Variants in PCDH9 observed in about 807,000 individuals in gnomAD.
PCDH9 encodes the protein protocadherin-9.
In PCDH9, 24 loss-of-function variants were observed where a neutral mutation model predicts 70.6. That is an observed-to-expected ratio of 0.34 (90% confidence interval 0.25 to 0.48). PCDH9 has a LOEUF of 0.48. Ranked by LOEUF, PCDH9 falls within the 20% of genes least tolerant of loss-of-function variation. PCDH9 has a pLI of 0.99. For synonymous variants in PCDH9, 562 were observed against 558.5 expected (o/e 1.01, Z -0.09); for missense variants, 1,281 against 1,503.6 (o/e 0.85, Z 2.45).
chr13:66,750,045 T>G (rs751280759), intron 3 of PCDH9, among the ~76,000 whole-genome samples: 1 of 152,140 alleles, frequency 6.6e-6, no homozygotes, highest in Non-Finnish European at 1.5e-5. Context: ...TGTTTAGGTA[T>G]AGTGAGAAAG....
At chr13:66,724,088 C>T (rs146556907) in intron 3 of PCDH9, among the ~76,000 whole-genome samples, 5 of 152,140 alleles carry the variant, frequency 3.3e-5, no homozygotes, top group Non-Finnish European at 5.9e-5. Flanking sequence ...AAGTTGAGTG[C>T]GACCAGGAAT....
chr13:67,103,934 C>G (rs761935226), intron 2 of PCDH9, among the ~76,000 whole-genome samples: 2 of 152,064 alleles, frequency 1.3e-5, no homozygotes, highest in Non-Finnish European at 2.9e-5. Context: ...AGTTCAGGGA[C>G]CTTCAGAAAG....
At chr13:66,623,069 G>T (rs186787762) in intron 4 of PCDH9, among the ~76,000 whole-genome samples, 3 of 152,154 alleles carry the variant, frequency 2.0e-5, no homozygotes, top group Non-Finnish European at 4.4e-5. Flanking sequence ...AAGAAACTCC[G>T]AACACATCCG....
intron 2 of PCDH9, among the ~76,000 whole-genome samples, chr13:67,021,679 C>T (rs2139861654): frequency 6.6e-6 from 1 of 152,136 alleles, no homozygotes; most frequent in South Asian, 2.1e-4. Flanking sequence ...CCTGCCTCAG[C>T]CTCCCGAGTA....
At chr13:66,845,390 C>A (rs553557070) in intron 3 of PCDH9, among the ~76,000 whole-genome samples, 86 of 152,330 alleles carry the variant, frequency 5.6e-4, no homozygotes, top group Non-Finnish European at 1.1e-3. Context: ...GGATCAGCCT[C>A]ACCTTTGCTT....
At chr13:67,051,864 T>C (rs2085331387) in intron 2 of PCDH9, among the ~76,000 whole-genome samples, 1 of 152,118 alleles carries the variant, frequency 6.6e-6, no homozygotes. Context: ...ATACAACTAA[T>C]TGGAAAGTTG....
chr13:66,658,643 A>G (rs1391622128), intron 3 of PCDH9, among the ~76,000 whole-genome samples: 2 of 152,150 alleles, frequency 1.3e-5, no homozygotes, highest in Admixed American at 1.3e-4. Context: ...ACATGTATCT[A>G]TACATTCTAG....
chr13:66,473,873 A>G (rs890160753), intron 4 of PCDH9, among the ~76,000 whole-genome samples: 3 of 152,240 alleles, frequency 2.0e-5, no homozygotes, highest in Admixed American at 6.5e-5. Context: ...AGGTCTCTGT[A>G]TGTTTGCATA....
At chr13:67,154,705 CTTT>C (rs869190537) in intron 2 of PCDH9, among the ~76,000 whole-genome samples, 3 of 85,252 alleles carry the variant, frequency 3.5e-5, no homozygotes, top group African/African-American at 7.6e-5. Flanking sequence ...GATCTGTAAT[CTTT>C]TTTTTTTTTT....
intron 4 of PCDH9, among the ~76,000 whole-genome samples, chr13:66,443,585 G>A (rs924641934): frequency 3.3e-5 from 5 of 151,718 alleles, no homozygotes; most frequent in African/African-American, 1.2e-4. Flanking sequence ...TTCAACTCTT[G>A]AAATGTAAGC....
chr13:66,403,871 G>A (rs531530543), intron 4 of PCDH9, among the ~76,000 whole-genome samples: 3 of 152,116 alleles, frequency 2.0e-5, no homozygotes, highest in Admixed American at 6.5e-5. Flanking sequence ...GAGAACTAAC[G>A]GACTACAGTA....
chr13:66,608,227 G>A (rs1478208411), intron 4 of PCDH9, among the ~76,000 whole-genome samples: 1 of 151,842 alleles, frequency 6.6e-6, no homozygotes, highest in African/African-American at 2.4e-5. Flanking sequence ...GTCTGTGATA[G>A]CTGATTATAA....
At chr13:67,006,318 G>A (rs1484168455) in intron 2 of PCDH9, among the ~76,000 whole-genome samples, 2 of 152,126 alleles carry the variant, frequency 1.3e-5, no homozygotes, top group African/African-American at 4.8e-5. Flanking sequence ...TTTGAAACAT[G>A]GAGGATAGAT....
intron 3 of PCDH9, among the ~76,000 whole-genome samples, chr13:66,841,299 A>C (rs1004174108): frequency 1.3e-5 from 2 of 152,188 alleles, no homozygotes; most frequent in Non-Finnish European, 2.9e-5. Flanking sequence ...TGTATGAAAA[A>C]ATCAGGGATC....
At chr13:66,546,180 A>T (rs1448292939) in intron 4 of PCDH9, among the ~76,000 whole-genome samples, 1 of 151,978 alleles carries the variant, frequency 6.6e-6, no homozygotes, top group Non-Finnish European at 1.5e-5. Flanking sequence ...TATTAAAAAA[A>T]AAAAAAGTTA....
chr13:66,774,337 C>G (rs1046393211), intron 3 of PCDH9, among the ~76,000 whole-genome samples: 1 of 152,096 alleles, frequency 6.6e-6, no homozygotes, highest in Non-Finnish European at 1.5e-5. Context: ...ATGTGAATCA[C>G]CTTCTGCTTC....
chr13:66,528,624 C>G (rs1273878776), intron 4 of PCDH9, among the ~76,000 whole-genome samples: 1 of 152,050 alleles, frequency 6.6e-6, no homozygotes, highest in Non-Finnish European at 1.5e-5. Flanking sequence ...TCGGAGTAAC[C>G]TATCCATGAA....
intron 3 of PCDH9, among the ~76,000 whole-genome samples, chr13:66,657,584 C>T (rs1292269894): frequency 6.6e-6 from 1 of 152,164 alleles, no homozygotes; most frequent in Non-Finnish European, 1.5e-5. Context: ...CAGTATTTTA[C>T]AGCAATTGGA....
chr13:66,973,907 A>G (rs1373310539), intron 2 of PCDH9, among the ~76,000 whole-genome samples: 1 of 151,710 alleles, frequency 6.6e-6, no homozygotes, highest in Non-Finnish European at 1.5e-5. Flanking sequence ...TTGAAAACAA[A>G]CACATCTACA....
Sources: allele counts gnomAD v4.1 joint callset (sites outside exome capture counted in the v4.1 genomes callset), GRCh38; gene constraint gnomAD v4.1.1; transcripts MANE v1.5; gene names NCBI Gene and HGNC (gene_info 2026-07-23, HGNC 2026-07-21).